Variants in CRACR2A observed in about 807,000 individuals in gnomAD.
CRACR2A encodes EF-hand calcium-binding domain-containing protein 4B.
Under a neutral mutation model 90.5 loss-of-function variants are expected in CRACR2A, and 79 were observed. The ratio of observed to expected loss-of-function variants is 0.87; its 90% CI spans 0.73 to 1.05. The LOEUF (loss-of-function observed/expected upper bound fraction) is 1.05, where lower values mean the gene tolerates loss of function less well. CRACR2A is among the 50% of genes least tolerant of loss of function. CRACR2A has a pLI of 0.00. For missense variants in CRACR2A, 823 were observed against 897.2 expected (o/e 0.92, Z 1.06); for synonymous variants, 338 against 356.7 (o/e 0.95, Z 0.59).
chr12:3,696,609 G>A (rs1229428197), intron 4 of CRACR2A, among the ~76,000 whole-genome samples, 163 bp downstream of exon 4: 3 of 152,180 alleles, frequency 2.0e-5, no homozygotes, highest in African/African-American at 7.2e-5. Context: ...ATGAACTCAG[G>A]AGGTCCGGCT....
At position 3,656,475 on chromosome 12, in the gene CRACR2A, C is replaced by T. The variant is rs979234630; in HGVS notation, c.763-69G>A. On this transcript the variant is annotated intron_variant, in intron 8 of 19. Transcript: ENST00000440314. ...CACCCGGGTTATAGATTTTTTTTTT[C>T]CCACCTTGAACCTACTCAACATCAG... 340 of 1,427,790 alleles carry T rather than the reference C, an allele frequency of 2.4e-4. 2 individuals carry two copies. The highest frequency in any genetic ancestry group is 1.9e-3 in the Middle Eastern group (11 of 5,754). 88.4% of individuals were successfully genotyped at this position (1,427,790 alleles called of 1,614,324 possible). A position where few individuals can be genotyped will look rare whatever the true frequency, so the allele number is the denominator to read the frequency against.
chr12:3,707,235 T>A (rs1371562116), intron 3 of CRACR2A, among the ~76,000 whole-genome samples: 1 of 152,200 alleles, frequency 6.6e-6, no homozygotes, highest in African/African-American at 2.4e-5. Context: ...CTATCCAGCA[T>A]CCCTTCTCCT....
chr12:3,727,404 G>C (rs998298273), intron 2 of CRACR2A: 3 of 152,138 alleles, frequency 2.0e-5, no homozygotes, highest in African/African-American at 7.2e-5. Context: ...TTATAAACAA[G>C]TTTGAGGCGC....
At chr12:3,738,170 G>A (rs1210320136) in intron 1 of CRACR2A, among the ~76,000 whole-genome samples, 1 of 152,206 alleles carries the variant, frequency 6.6e-6, no homozygotes, top group African/African-American at 2.4e-5. Context: ...CAACATGCTA[G>A]ATTTCTATTT....
Position 3,627,690 on chromosome 12 carries a change from C to T in CRACR2A, c.1752G>A (p.Val584=). 6.4e-7 allele frequency: 1 copy of T among 1,551,808 alleles called. No homozygotes were observed. Among genetic ancestry groups the T allele is most frequent in the Non-Finnish European group, 8.7e-7 (1 of 1,147,014 alleles). The change falls in exon 16 of 20, where the codon GTG becomes GTA. Residue 584 remains valine (V), a synonymous_variant. Transcript: ENST00000440314. Reference sequence around the variant, plus strand: ...GAGAGTTGTCCACATTCAACGTCTTCACACGGTAATCAATGCCTGCAGGGT... The same window carrying T: ...GAGAGTTGTCCACATTCAACGTCTTTACACGGTAATCAATGCCTGCAGGGT... The part of the protein sequence containing the change: ...MAATVGIDYR[V]KTLNVDNSQV...
intron 7 of CRACR2A, among the ~76,000 whole-genome samples, chr12:3,665,548 G>A (rs1289638418): frequency 6.6e-6 from 1 of 152,234 alleles, no homozygotes. Context: ...ACAATAAGAT[G>A]CATTTAACAA....
chr12:3,673,463 C>T lies in CRACR2A; in HGVS notation c.654G>A (p.Leu218=), dbSNP rs567349627. 6.2e-7 allele frequency: 1 copy of T among 1,613,818 alleles called. No homozygotes were observed. Among genetic ancestry groups the T allele is most frequent in the Non-Finnish European group, 8.5e-7 (1 of 1,179,930 alleles). Residue 218 remains leucine (L), a synonymous_variant, in exon 7 of 20, where the codon CTG becomes CTA. Coordinates refer to ENST00000440314, the MANE Select transcript of CRACR2A (RefSeq NM_001144958.2). ...GTACCCACCTTTTTAGGGCACACTC[C>T]AGTTCATTCTTCTCCTCATGGGCTT... The part of the protein sequence containing the change: ...LQEAHEEKNE[L]ECALKRKIAA...
intron 19 of CRACR2A, 125 bp from the exon 20 acceptor site, chr12:3,615,564 A>G (rs1867663280): frequency 1.4e-6 from 1 of 698,642 alleles, no homozygotes; most frequent in African/African-American, 1.8e-5. Flanking sequence ...CACCCTCACC[A>G]CGGCATCAGA....
rs141581626 is a variant in CRACR2A at position 3,628,111 on chromosome 12, TTCCC to T, written c.1736-409_1736-406del. Among the ~76,000 whole-genome samples the T allele has an allele frequency of 8.1e-3, 1,085 of 133,398 alleles. 12 individuals carry two copies. Among genetic ancestry groups the T allele is most frequent in the East Asian group, 0.046 (192 of 4,148 alleles). 87.5% of individuals were successfully genotyped at this position (133,398 alleles called of 152,430 possible). A position where few individuals can be genotyped will look rare whatever the true frequency, so the allele number is the denominator to read the frequency against. On this transcript the variant is annotated intron_variant, in intron 15 of 19. Coordinates refer to ENST00000440314, the MANE Select transcript of CRACR2A (RefSeq NM_001144958.2). ...CCTCCCTCTCTCCTTCCCTCTCTCT[TTCCC>T]TCCCTCCCTCCCTTCCTTCACCCTT...
chr12:3,666,330 C>CGTGTGCGTGTGTTT (rs1555112059), intron 7 of CRACR2A, among the ~76,000 whole-genome samples: 6 of 139,674 alleles, frequency 4.3e-5, no homozygotes, highest in Non-Finnish European at 7.8e-5. Context: ...AGGACGGCTG[C>CGTGTGCGTGTGTTT]GTGTGTGTGT....
At chr12:3,666,924 T>TGGAGAGA (rs1945161735) in intron 7 of CRACR2A, among the ~76,000 whole-genome samples, 2 of 152,250 alleles carry the variant, frequency 1.3e-5, no homozygotes, top group South Asian at 4.1e-4. Flanking sequence ...AGCGTAGGCT[T>TGGAGAGA]GGCCTTGGAG....
chr12:3,686,316 T>C (rs1945552271), intron 4 of CRACR2A, among the ~76,000 whole-genome samples: 2 of 152,196 alleles, frequency 1.3e-5, no homozygotes, highest in African/African-American at 4.8e-5. Flanking sequence ...AGTGTGAAAG[T>C]AGCCACGGAA....
chr12:3,666,333 G>GTA (rs1945139376), intron 7 of CRACR2A, among the ~76,000 whole-genome samples: 1 of 93,058 alleles, frequency 1.1e-5, no homozygotes, highest in African/African-American at 3.5e-5. Flanking sequence ...ACGGCTGCGT[G>GTA]TGTGTGTGTG....
intron 2 of CRACR2A, chr12:3,726,844 A>AC (rs1174401808): frequency 1.3e-5 from 2 of 152,118 alleles, no homozygotes; most frequent in Non-Finnish European, 2.9e-5. Flanking sequence ...AGAAAAAAAA[A>AC]AGAAAGAAAA....
chr12:3,651,122 A>T (rs1944786496), intron 10 of CRACR2A, among the ~76,000 whole-genome samples: 1 of 152,234 alleles, frequency 6.6e-6, no homozygotes, highest in African/African-American at 2.4e-5. Context: ...TGAGGCGTTT[A>T]TGGTTACCCT....
At chr12:3,752,006 C>T (rs938110928) in intron 1 of CRACR2A, among the ~76,000 whole-genome samples, 4 of 152,186 alleles carry the variant, frequency 2.6e-5, no homozygotes, top group Admixed American at 2.0e-4. Flanking sequence ...GATTTCATAT[C>T]CCTATGCCCA....
intron 15 of CRACR2A, among the ~76,000 whole-genome samples, chr12:3,629,907 A>G (rs1425172298): frequency 6.6e-6 from 1 of 152,028 alleles, no homozygotes; most frequent in African/African-American, 2.4e-5. Context: ...ACACAAGTCC[A>G]ACGGGATAGA....
chr12:3,727,646 T>C (rs1946293251), intron 2 of CRACR2A: 6 of 152,224 alleles, frequency 3.9e-5, no homozygotes, highest in Admixed American at 3.9e-4. Context: ...CTTCTCTTCC[T>C]AAAACAACCA....
intron 7 of CRACR2A, among the ~76,000 whole-genome samples, chr12:3,663,512 A>C (rs1451433446): frequency 2.0e-5 from 3 of 152,178 alleles, no homozygotes; most frequent in Non-Finnish European, 2.9e-5. Flanking sequence ...GTATTTCAGA[A>C]TGGCATCAAG....
Sources: allele counts gnomAD v4.1 joint callset (sites outside exome capture counted in the v4.1 genomes callset), GRCh38; gene constraint gnomAD v4.1.1; transcripts MANE v1.5; gene names NCBI Gene and HGNC (gene_info 2026-07-23, HGNC 2026-07-21).